The following LCOR variants were observed in gnomAD, a reference collection of about 807,000 sequenced individuals.
The protein encoded by LCOR is ligand dependent nuclear receptor corepressor.
In LCOR, 14 loss-of-function variants were observed where a neutral mutation model predicts 64.4. That is an observed-to-expected ratio of 0.22 (90% confidence interval 0.14 to 0.34). LCOR has a LOEUF of 0.34. LCOR is among the 10% of genes least tolerant of loss of function. The pLI is 1.00. For missense variants in LCOR, 1,686 were observed against 1,765.3 expected (o/e 0.96, Z 0.80); for synonymous variants, 643 against 642.5 (o/e 1.00, Z -0.01).
At chr10:96,910,858 T>G (rs1846818520) in intron 4 of LCOR, among the ~76,000 whole-genome samples, 1 of 152,210 alleles carries the variant, frequency 6.6e-6, no homozygotes, top group South Asian at 2.1e-4. Flanking sequence ...CAGTAAATAC[T>G]AACTCTGTAG....
rs1441244753 is a variant in LCOR at position 96,989,674 on chromosome 10, G to GAGATATATATAT, written c.*4541_*4542insGATATATATATA. Reference sequence around the variant, plus strand: ...CCTTTTCCAAAAACTCAAGGATAAGGATATATATATATATATATATATTTT... The same window carrying GAGATATATATAT: ...CCTTTTCCAAAAACTCAAGGATAAGGAGATATATATATATATATATATATATATATATATTTT... On this transcript the variant is annotated 3_prime_UTR_variant, in exon 8 of 8. Coordinates refer to ENST00000421806, the MANE Select transcript of LCOR (RefSeq NM_001346516.2). The GAGATATATATAT allele has an allele frequency of 1.8e-5, 1 of 54,826 alleles. No individual in the cohort carries two copies. Among genetic ancestry groups the GAGATATATATAT allele is most frequent in the East Asian group, 4.4e-4 (1 of 2,282 alleles). The allele number at this position is 54,826 out of a possible 1,614,324, so 3.4% of individuals were successfully genotyped here.
At chr10:96,933,644 T>C (rs1847301129) in intron 4 of LCOR, among the ~76,000 whole-genome samples, 1 of 152,054 alleles carries the variant, frequency 6.6e-6, no homozygotes, top group Non-Finnish European at 1.5e-5. Flanking sequence ...CTCAGCCTCC[T>C]GAGTAGCTGG....
At chr10:96,854,011 ACGT>A (rs1194964900) in intron 2 of LCOR, among the ~76,000 whole-genome samples, 1 of 152,142 alleles carries the variant, frequency 6.6e-6, no homozygotes, top group Non-Finnish European at 1.5e-5. Context: ...CACCCTTGAC[ACGT>A]GGGGATTATG....
chr10:96,858,984 A>G (rs1248996346), intron 2 of LCOR, among the ~76,000 whole-genome samples: 1 of 152,176 alleles, frequency 6.6e-6, no homozygotes, highest in African/African-American at 2.4e-5. Flanking sequence ...CATACGGCAC[A>G]TTGCAGTATT....
At chr10:96,837,822 C>G (rs946661482) in intron 2 of LCOR, among the ~76,000 whole-genome samples, 1 of 152,172 alleles carries the variant, frequency 6.6e-6, no homozygotes, top group African/African-American at 2.4e-5. Flanking sequence ...CAGTCTAGCT[C>G]GGAAAGCTCA....
chr10:96,990,959 A>G lies in LCOR; in HGVS notation c.*5825A>G, dbSNP rs1452348422. ...CCATTTAAAAAAAAATCAGGTACTCATGGTATTACAATATGCCAGGGGTTG... is the reference window on the plus strand; with the variant it reads ...CCATTTAAAAAAAAATCAGGTACTCGTGGTATTACAATATGCCAGGGGTTG... On this transcript the variant is annotated 3_prime_UTR_variant, in exon 8 of 8. Coordinates refer to ENST00000421806, the MANE Select transcript of LCOR (RefSeq NM_001346516.2). 3 of 147,146 alleles carry G rather than the reference A, an allele frequency of 2.0e-5. No individual in the cohort carries two copies. The highest frequency in any genetic ancestry group is 4.5e-5 in the Non-Finnish European group (3 of 67,164). The allele number at this position is 147,146 out of a possible 1,614,324, so 9.1% of individuals were successfully genotyped here. A position where few individuals can be genotyped will look rare whatever the true frequency, so the allele number is the denominator to read the frequency against.
intron 7 of LCOR, among the ~76,000 whole-genome samples, chr10:96,970,897 G>A (rs1847993899): frequency 6.6e-6 from 1 of 151,982 alleles, no homozygotes; most frequent in Non-Finnish European, 1.5e-5. Flanking sequence ...AGAATTACAG[G>A]CGTGAGCCAC....
At chr10:96,842,757 A>T (rs1182368336) in intron 2 of LCOR, among the ~76,000 whole-genome samples, 8 of 150,094 alleles carry the variant, frequency 5.3e-5, no homozygotes, top group African/African-American at 1.7e-4. Flanking sequence ...CAGCCTTCCG[A>T]GTAGCCGGGA....
intron 2 of LCOR, among the ~76,000 whole-genome samples, chr10:96,901,844 A>G (rs1762773445): frequency 1.3e-5 from 2 of 152,058 alleles, no homozygotes; most frequent in South Asian, 2.1e-4. Context: ...ATCTCGGCTC[A>G]CTGCACCTTA....
At chr10:96,849,011 GTTT>G (rs144865916) in intron 2 of LCOR, among the ~76,000 whole-genome samples, 19 of 106,538 alleles carry the variant, frequency 1.8e-4, no homozygotes, top group East Asian at 3.1e-4. Flanking sequence ...AGTTGAAAAT[GTTT>G]TTTTTTTTTT....
intron 7 of LCOR, among the ~76,000 whole-genome samples, chr10:96,977,779 C>T (rs1049836195): frequency 6.6e-5 from 10 of 152,166 alleles, no homozygotes; most frequent in African/African-American, 2.2e-4. Flanking sequence ...TCAAGCGATC[C>T]TCCTACCTTA....
intron 5 of LCOR, among the ~76,000 whole-genome samples, chr10:96,945,888 A>G (rs559101632): frequency 2.6e-5 from 4 of 151,836 alleles, no homozygotes; most frequent in Non-Finnish European, 5.9e-5. Flanking sequence ...GCCCTTTGTC[A>G]TAGAGGAATA....
intron 7 of LCOR, chr10:96,963,779 T>C (rs944731732): frequency 2.6e-5 from 4 of 152,224 alleles, no homozygotes. Flanking sequence ...CTATCTGTGG[T>C]TAACAAAATA....
intron 7 of LCOR, among the ~76,000 whole-genome samples, chr10:96,970,911 G>A (rs528382323): frequency 2.6e-5 from 4 of 152,118 alleles, no homozygotes; most frequent in African/African-American, 9.6e-5. Context: ...GAGCCACCAC[G>A]CACAGCTCTA....
At chr10:96,837,261 A>T (rs1387288284) in intron 2 of LCOR, among the ~76,000 whole-genome samples, 1 of 151,334 alleles carries the variant, frequency 6.6e-6, no homozygotes, top group Non-Finnish European at 1.5e-5. Context: ...AAGTGCTGGG[A>T]TTACAGGCAT....
intron 2 of LCOR, among the ~76,000 whole-genome samples, chr10:96,842,410 A>G (rs1337677140): frequency 1.3e-5 from 2 of 152,032 alleles, no homozygotes; most frequent in Non-Finnish European, 2.9e-5. Flanking sequence ...ATACATACAT[A>G]CATAAATAGG....
chr10:96,910,373 A>T (rs1313574364), intron 4 of LCOR, among the ~76,000 whole-genome samples: 3 of 152,214 alleles, frequency 2.0e-5, no homozygotes, highest in Non-Finnish European at 4.4e-5. Flanking sequence ...TCTCCGTTAG[A>T]TACTATATCC....
chr10:96,967,470 C>T (rs1847961752), intron 7 of LCOR, among the ~76,000 whole-genome samples: 1 of 152,136 alleles, frequency 6.6e-6, no homozygotes, highest in Non-Finnish European at 1.5e-5. Context: ...ACTTGGTGCA[C>T]TAGAAAGATC....
intron 2 of LCOR, among the ~76,000 whole-genome samples, chr10:96,834,377 C>T (rs1001377209): frequency 2.0e-5 from 3 of 152,154 alleles, no homozygotes; most frequent in African/African-American, 7.2e-5. Context: ...CAGTGCTGCC[C>T]TCCAGGAAAC....
Sources: gnomAD v4.1 joint callset for allele counts (sites outside exome capture counted in the v4.1 genomes callset) on GRCh38, gnomAD v4.1.1 for gene constraint, MANE v1.5 for transcripts, NCBI Gene and HGNC (gene_info 2026-07-23, HGNC 2026-07-21) for gene names.